SAMTOR: variants seen among roughly 807,000 people sequenced by gnomAD.
SAMTOR encodes UPF0532 protein C7orf60.
At chr7:112,834,346 T>C in the SAMTOR span, among the ~76,000 whole-genome samples, 92 of 152,290 alleles carry the variant, frequency 6.0e-4, no homozygotes, top group African/African-American at 2.1e-3. Flanking sequence ...TAGTTTTTGA[T>C]GCTTTTATTA....
chr7:112,885,480 C>G, the SAMTOR span, among the ~76,000 whole-genome samples: 1 of 152,206 alleles, frequency 6.6e-6, no homozygotes, highest in Non-Finnish European at 1.5e-5. Context: ...TCATCTCTCT[C>G]AAGTTCAAAG....
the SAMTOR span, among the ~76,000 whole-genome samples, chr7:112,876,472 A>G: frequency 6.6e-6 from 1 of 152,228 alleles, no homozygotes; most frequent in East Asian, 2.0e-4. Flanking sequence ...CCCACAATAT[A>G]TCTTCTACTC....
the SAMTOR span, among the ~76,000 whole-genome samples, chr7:112,931,914 C>T: frequency 2.0e-5 from 3 of 151,238 alleles, no homozygotes; most frequent in African/African-American, 7.3e-5. Context: ...ATACACAAAA[C>T]TATTACTTTT....
chr7:112,839,219 C>T, the SAMTOR span, among the ~76,000 whole-genome samples: 1 of 151,732 alleles, frequency 6.6e-6, no homozygotes, highest in Admixed American at 6.6e-5. Context: ...ATTTCACCAT[C>T]ATAAGAATGA....
the SAMTOR span, among the ~76,000 whole-genome samples, chr7:112,848,155 A>C: frequency 6.6e-6 from 1 of 152,086 alleles, no homozygotes; most frequent in South Asian, 2.1e-4. Context: ...TCTGTATCTT[A>C]AAAAAATTTT....
At chr7:112,858,700 G>A in the SAMTOR span, among the ~76,000 whole-genome samples, 1 of 152,118 alleles carries the variant, frequency 6.6e-6, no homozygotes, top group Non-Finnish European at 1.5e-5. Flanking sequence ...TGGCTTTCAA[G>A]TTTTAACAAG....
At chr7:112,897,188 G>A in the SAMTOR span, among the ~76,000 whole-genome samples, 1 of 152,138 alleles carries the variant, frequency 6.6e-6, no homozygotes, top group African/African-American at 2.4e-5. Context: ...GTGCAAAGGG[G>A]TACAAGGGAG....
the SAMTOR span, among the ~76,000 whole-genome samples, chr7:112,890,569 T>C: frequency 5.9e-3 from 896 of 152,066 alleles, 28 homozygotes; most frequent in East Asian, 0.036. Context: ...AAAAAAGTAG[T>C]AAATGGACTC....
the SAMTOR span, among the ~76,000 whole-genome samples, chr7:112,825,194 CTATT>C: frequency 6.6e-6 from 1 of 151,654 alleles, no homozygotes; most frequent in African/African-American, 2.4e-5. Flanking sequence ...GCTAATTTTT[CTATT>C]TTTTTTTTTG....
At chr7:112,880,341 G>C in the SAMTOR span, among the ~76,000 whole-genome samples, 1 of 152,070 alleles carries the variant, frequency 6.6e-6, no homozygotes, top group Non-Finnish European at 1.5e-5. Context: ...CCAGCTAGAC[G>C]ATCATACAGT....
At chr7:112,871,630 CA>C in the SAMTOR span, among the ~76,000 whole-genome samples, 14 of 151,872 alleles carry the variant, frequency 9.2e-5, no homozygotes, top group Admixed American at 4.6e-4. Context: ...AAACTGATTG[CA>C]ATGCTAGCAG....
the SAMTOR span, among the ~76,000 whole-genome samples, chr7:112,915,819 G>A: frequency 6.6e-6 from 1 of 152,108 alleles, no homozygotes; most frequent in Non-Finnish European, 1.5e-5. Flanking sequence ...AACAATTACA[G>A]CTGAGTACTC....
At chr7:112,906,437 A>G in the SAMTOR span, among the ~76,000 whole-genome samples, 1 of 152,218 alleles carries the variant, frequency 6.6e-6, no homozygotes, top group African/African-American at 2.4e-5. Context: ...CAACAGCAAT[A>G]AAAATGACAA....
At chr7:112,910,103 G>C in the SAMTOR span, among the ~76,000 whole-genome samples, 1 of 151,780 alleles carries the variant, frequency 6.6e-6, no homozygotes, top group Non-Finnish European at 1.5e-5. Flanking sequence ...AAACACAGAA[G>C]TAAACTTTGA....
the SAMTOR span, chr7:112,939,687 G>A: frequency 1.2e-6 from 2 of 1,612,590 alleles, no homozygotes; most frequent in African/African-American, 2.7e-5. Context: ...CGGGGCGGCG[G>A]AGTGTTCGGG....
At chr7:112,828,823 T>C in the SAMTOR span, among the ~76,000 whole-genome samples, 2 of 152,222 alleles carry the variant, frequency 1.3e-5, no homozygotes, top group African/African-American at 4.8e-5. Flanking sequence ...TTTACACATC[T>C]GAAGAAAATC....
chr7:112,913,548 C>A, the SAMTOR span, among the ~76,000 whole-genome samples: 2 of 152,324 alleles, frequency 1.3e-5, no homozygotes, highest in East Asian at 1.9e-4. Flanking sequence ...TGACATCTTG[C>A]AAAAGGTTAA....
At chr7:112,912,401 T>C in the SAMTOR span, among the ~76,000 whole-genome samples, 1 of 152,018 alleles carries the variant, frequency 6.6e-6, no homozygotes, top group Admixed American at 6.6e-5. Flanking sequence ...TATTCTGTCC[T>C]TGGCAGGATA....
At chr7:112,897,417 T>TA in the SAMTOR span, among the ~76,000 whole-genome samples, 1 of 152,172 alleles carries the variant, frequency 6.6e-6, no homozygotes, top group Non-Finnish European at 1.5e-5. Flanking sequence ...AAACTGGTGA[T>TA]ATTCAAAAGT....
Sources: gnomAD v4.1 joint callset for allele counts (sites outside exome capture counted in the v4.1 genomes callset) on GRCh38, gnomAD v4.1.1 for gene constraint, MANE v1.5 for transcripts, NCBI Gene and HGNC (gene_info 2026-07-23, HGNC 2026-07-21) for gene names.